ACSL1: variants seen among roughly 807,000 people sequenced by gnomAD.
ACSL1 encodes acyl-CoA synthetase long chain family member 1, also known as long-chain-fatty-acid--CoA ligase 1.
Under a neutral mutation model 98.4 loss-of-function variants are expected in ACSL1, and 41 were observed. That is an observed-to-expected ratio of 0.42 (90% CI 0.32 to 0.54). ACSL1 has a LOEUF of 0.54. ACSL1 is among the 20% of genes least tolerant of loss of function. The pLI, the probability that ACSL1 is intolerant of heterozygous loss-of-function variation, is 0.13. For synonymous variants in ACSL1, 316 were observed against 322.7 expected, an observed-to-expected ratio of 0.98 and a Z score of 0.22; for missense variants, 734 against 883.1, an observed-to-expected ratio of 0.83 and a Z score of 2.14.
chr4:184,768,515 A>G, intron 11 of ACSL1, 65 bp from the exon 12 acceptor site: 1 of 1,531,682 alleles, frequency 6.5e-7, no homozygotes, highest in Non-Finnish European at 8.7e-7. Flanking sequence ...ACATATGGAC[A>G]ACATCCAACA....
intron 4 of ACSL1, among the ~76,000 whole-genome samples, chr4:184,781,030 T>G (rs1433860755): frequency 6.6e-6 from 1 of 151,210 alleles, no homozygotes; most frequent in Non-Finnish European, 1.5e-5. Context: ...CTTGAGGGAG[T>G]TCGAGGCCAG....
chr4:184,822,892 T>C (rs1466828963), intron 1 of ACSL1, among the ~76,000 whole-genome samples: 1 of 152,222 alleles, frequency 6.6e-6, no homozygotes, highest in Non-Finnish European at 1.5e-5. Flanking sequence ...CAGCATTTGA[T>C]GTAAAATGAC....
rs367893390 is a variant in ACSL1, at chr4:184,773,634, T to C, written c.841+29A>G. ...AGAGTCCAGACCAATGGCTGCCATA[T>C]GTAGAAGCAATTCTATCTCAAAACT... On this transcript the variant is annotated intron_variant, in intron 9 of 20. Transcript: ENST00000281455. This position sits in a 1 kb window ranked among gnomAD's most constrained non-coding sequence, Gnocchi z 4.3. 26 of 1,600,048 alleles carry C rather than the reference T, an allele frequency of 1.6e-5. No individual in the cohort carries two copies. The African/African-American group carries it at 2.4e-4, about 15-fold the overall frequency.
Position 184,783,913 on chromosome 4 carries a change from TCATA to T in ACSL1, c.375+10_375+13del. On this transcript the variant is annotated intron_variant, in intron 4 of 20. Transcript: ENST00000281455. ...GCAAGAGGAGTCCACAGAGCCTGTC[TCATA>T]CAAACTCACCTGTTTATATGAAAGC... is the stretch of plus-strand genomic sequence containing the variant. The T allele has an allele frequency of 6.2e-7, 1 of 1,611,738 alleles. No homozygotes were observed. The highest frequency in any genetic ancestry group is 8.5e-7 in the Non-Finnish European group (1 of 1,178,098).
rs1353081136 is a variant in ACSL1, at chr4:184,766,154, G to T, written c.1264-168C>A. On this transcript the variant is annotated intron_variant, in intron 13 of 20. Transcript: ENST00000281455. The surrounding 1 kb of genome is among the most constrained non-coding windows in gnomAD (Gnocchi z 4.8). ...CTCATGATGGCAGCACAGGGCTACG[G>T]TTTGTTTCCACCCGTGACTGCCCTG... Among the ~76,000 whole-genome samples the T allele has an allele frequency of 1.3e-5, 2 of 152,208 alleles. No individual in the cohort carries two copies. The highest frequency in any genetic ancestry group is 2.9e-5 in the Non-Finnish European group (2 of 68,042).
At chr4:184,811,360 C>T (rs755990784) in intron 1 of ACSL1, among the ~76,000 whole-genome samples, 2 of 152,118 alleles carry the variant, frequency 1.3e-5, no homozygotes, top group African/African-American at 2.4e-5. Flanking sequence ...GATCTGCCCG[C>T]CTTGGCCTCC....
chr4:184,770,151 C>T, intron 11 of ACSL1: 3 of 1,114,114 alleles, frequency 2.7e-6, no homozygotes, highest in Non-Finnish European at 3.8e-6. Flanking sequence ...CCTGTTCATA[C>T]TCAGAAAAAG....
At chr4:184,807,518 G>A (rs1771579248) in intron 1 of ACSL1, among the ~76,000 whole-genome samples, 1 of 152,134 alleles carries the variant, frequency 6.6e-6, no homozygotes, top group Non-Finnish European at 1.5e-5. Flanking sequence ...GGATGGGGAA[G>A]GTAACAATGG....
At chr4:184,785,026 G>A (rs949147024) in intron 3 of ACSL1, among the ~76,000 whole-genome samples, 2 of 152,154 alleles carry the variant, frequency 1.3e-5, no homozygotes, top group African/African-American at 2.4e-5. Flanking sequence ...AACAGAGACG[G>A]GCGCACTGCA....
intron 2 of ACSL1, among the ~76,000 whole-genome samples, chr4:184,791,060 A>G (rs1768264253): frequency 6.6e-6 from 1 of 152,266 alleles, no homozygotes; most frequent in South Asian, 2.1e-4. Context: ...TTGTCTCAGC[A>G]TGGCCTAGAC....
At chr4:184,801,133 G>GT (rs11450168) in intron 2 of ACSL1, among the ~76,000 whole-genome samples, 18,148 of 152,024 alleles carry the variant, frequency 0.12, 2,369 homozygotes, top group African/African-American at 0.31. Flanking sequence ...AGGGATTACA[G>GT]CATGTGCCAC....
At chr4:184,814,302 A>AG (rs1772419728) in intron 1 of ACSL1, among the ~76,000 whole-genome samples, 1 of 151,048 alleles carries the variant, frequency 6.6e-6, no homozygotes, top group Non-Finnish European at 1.5e-5. Context: ...AAAAAAAAAA[A>AG]AAAAAAAAAA....
chr4:184,788,998 C>A (rs1008726695), intron 2 of ACSL1, among the ~76,000 whole-genome samples: 24 of 152,156 alleles, frequency 1.6e-4, no homozygotes, highest in Non-Finnish European at 2.9e-4. Context: ...CATAAATACA[C>A]ATAATTTGTA....
In ACSL1 at chr4:184,756,071, C is replaced by T. The variant is rs1307760214; in HGVS notation, c.*1054G>A. 6.6e-6 allele frequency: 1 copy of T among 152,278 alleles called. No individual in the cohort carries two copies. Among genetic ancestry groups the T allele is most frequent in the Admixed American group, 6.5e-5 (1 of 15,292 alleles). The allele number at this position is 152,278 out of a possible 1,614,324, so 9.4% of individuals were successfully genotyped here. On this transcript the variant is annotated 3_prime_UTR_variant, in exon 21 of 21. Transcript: ENST00000281455. ...GCATTATAAGAACATTTGCTTATTACTGTCCATTTCAATAAGTACTCAAGT... is the reference window on the plus strand; with the variant it reads ...GCATTATAAGAACATTTGCTTATTATTGTCCATTTCAATAAGTACTCAAGT...
chr4:184,788,935 T>A (rs572021935), intron 2 of ACSL1, among the ~76,000 whole-genome samples: 6 of 152,354 alleles, frequency 3.9e-5, no homozygotes, highest in African/African-American at 1.4e-4. Context: ...ATAGTGAACA[T>A]GGTCACCATT....
Position 184,780,353 on chromosome 4 carries a change from G to A in ACSL1, c.456C>T (p.Ile152=). The change falls in exon 5 of 21, where the codon ATC becomes ATT. Residue 152 remains isoleucine (I), a synonymous_variant. Coordinates refer to ENST00000281455, the MANE Select transcript of ACSL1 (RefSeq NM_001995.5). ...ATACCTCAGGTCTATTTTGAGCAAA[G>A]ATGCCAATGAACTGATCTGGGGCAG... is the stretch of plus-strand genomic sequence containing the variant. The part of the protein sequence containing the change: ...FKTAPDQFIG[I]FAQNRPEWVI... 6.2e-7 allele frequency: 1 copy of A among 1,613,792 alleles called. No homozygotes were observed. Among genetic ancestry groups the A allele is most frequent in the Non-Finnish European group, 8.5e-7 (1 of 1,179,932 alleles).
At chr4:184,778,058 G>A (rs1765589858) in intron 5 of ACSL1, among the ~76,000 whole-genome samples, 1 of 152,208 alleles carries the variant, frequency 6.6e-6, no homozygotes, top group South Asian at 2.1e-4. Context: ...AAAAGTGCAG[G>A]AAAGAAGTGA....
At chr4:184,805,458 A>C in intron 1 of ACSL1, 1 of 985,454 alleles carries the variant, frequency 1.0e-6, no homozygotes, top group Non-Finnish European at 1.2e-6. Context: ...CAAAGAAAGA[A>C]CAGATAAGCA....
chr4:184,820,313 GGCCAGTCAT>G (rs1772967309), intron 1 of ACSL1, among the ~76,000 whole-genome samples: 1 of 152,142 alleles, frequency 6.6e-6, no homozygotes, highest in Non-Finnish European at 1.5e-5. Flanking sequence ...CACTGCACCC[GGCCAGTCAT>G]GCGTCTCAAT....
Sources: allele counts gnomAD v4.1 joint callset (sites outside exome capture counted in the v4.1 genomes callset), GRCh38; gene constraint gnomAD v4.1.1; non-coding constraint Gnocchi (gnomAD v3.1); transcripts MANE v1.5; gene names NCBI Gene and HGNC (gene_info 2026-07-23, HGNC 2026-07-21).